KANK1: variants seen among roughly 807,000 people sequenced by gnomAD.
KANK1 encodes KN motif and ankyrin repeat domains 1.
KANK1 carries 109 observed loss-of-function variants against 106.2 expected under a neutral mutation model. That is an observed-to-expected ratio of 1.03 (90% confidence interval 0.88 to 1.20). The LOEUF (loss-of-function observed/expected upper bound fraction) is 1.20. Among genes scored for constraint, KANK1 ranks in the 50% most tolerant of loss-of-function variants. The pLI is 0.00. For synonymous variants in KANK1, 873 were observed against 652.2 expected, an observed-to-expected ratio of 1.34 and a Z score of -5.16; for missense variants, 2,399 against 1,710.7, an observed-to-expected ratio of 1.40 and a Z score of -7.10.
intron 3 of KANK1, among the ~76,000 whole-genome samples, chr9:482,102 C>T (rs1050124497): frequency 1.3e-5 from 2 of 152,192 alleles, no homozygotes; most frequent in African/African-American, 2.4e-5. Context: ...ACAGTTCCCA[C>T]AGCTGGGCCC....
intron 2 of KANK1, among the ~76,000 whole-genome samples, chr9:687,460 G>A (rs902225686): frequency 3.3e-5 from 5 of 151,960 alleles, no homozygotes; most frequent in Non-Finnish European, 4.4e-5. Flanking sequence ...GTCTATTTCC[G>A]TTTCTTCAGT....
chr9:655,264 G>A (rs563541784), intron 1 of KANK1, among the ~76,000 whole-genome samples: 11 of 151,954 alleles, frequency 7.2e-5, no homozygotes, highest in African/African-American at 2.4e-4. Flanking sequence ...CCAGCTACTC[G>A]GGAGGCTGAG....
At chr9:567,925 T>A (rs1012142812) in intron 1 of KANK1, among the ~76,000 whole-genome samples, 1 of 152,140 alleles carries the variant, frequency 6.6e-6, no homozygotes, top group East Asian at 1.9e-4. Flanking sequence ...GGCTCCAAAG[T>A]CACCAGCATG....
At chr9:540,561 A>G (rs553690364) in intron 1 of KANK1, 1 of 152,304 alleles carries the variant, frequency 6.6e-6, no homozygotes, top group South Asian at 2.1e-4. Flanking sequence ...CATCCTCTTC[A>G]GTTGTTGGAA....
At chr9:537,889 T>C (rs1409737204) in intron 1 of KANK1, among the ~76,000 whole-genome samples, 1 of 152,242 alleles carries the variant, frequency 6.6e-6, no homozygotes, top group Admixed American at 6.5e-5. Context: ...TTACTTATTT[T>C]CGTGTGTCTT....
chr9:697,076 C>CTGTG (rs3028272), intron 2 of KANK1, among the ~76,000 whole-genome samples: 235 of 151,088 alleles, frequency 1.6e-3, no homozygotes, highest in East Asian at 0.011. Flanking sequence ...TTTGTTCCAT[C>CTGTG]TGTGTGTGTG....
At chr9:679,062 G>A (rs972458091) in intron 2 of KANK1, among the ~76,000 whole-genome samples, 14 of 152,270 alleles carry the variant, frequency 9.2e-5, no homozygotes, top group Non-Finnish European at 1.9e-4. Context: ...TAAGCAAGCT[G>A]TAACTTTTCC....
chr9:480,733 C>T (rs547998651), intron 3 of KANK1, among the ~76,000 whole-genome samples: 112 of 152,148 alleles, frequency 7.4e-4, no homozygotes, highest in Middle Eastern at 6.8e-3. Context: ...GCAGGGGAGC[C>T]GTGTATTAGA....
At position 544,837 on chromosome 9, in the gene KANK1, A is replaced by G. The variant is rs560951556; in HGVS notation, c.-84+40083A>G. 2.0e-5 allele frequency among the ~76,000 whole-genome samples: 3 copies of G among 152,174 alleles called. No homozygotes were observed. The South Asian group carries it at 6.2e-4, about 32-fold the overall frequency. ...GGGTGGGGGTGGGAGGGTAGGTCAT[A>G]AAGGGCCTGGTAAACTGTTAAGAAA... On this transcript the variant is annotated intron_variant, in intron 1 of 11. Transcript: ENST00000382297.
intron 3 of KANK1, among the ~76,000 whole-genome samples, chr9:728,920 C>T (rs989663226): frequency 2.6e-5 from 4 of 152,178 alleles, no homozygotes; most frequent in African/African-American, 9.7e-5. Context: ...ACCTTACATG[C>T]ATTGATTTGT....
chr9:560,345 A>T (rs998545473), intron 1 of KANK1, among the ~76,000 whole-genome samples: 2 of 152,228 alleles, frequency 1.3e-5, no homozygotes, highest in African/African-American at 4.8e-5. Context: ...AATGTGTTGC[A>T]GGTTGATTAA....
intron 7 of KANK1, among the ~76,000 whole-genome samples, chr9:735,987 T>G (rs1833694257): frequency 6.6e-6 from 1 of 151,986 alleles, no homozygotes; most frequent in South Asian, 2.1e-4. Flanking sequence ...AGAGTGAGAC[T>G]CCATCTGAAA....
intron 3 of KANK1, among the ~76,000 whole-genome samples, chr9:488,538 C>T (rs2058330164): frequency 6.6e-6 from 1 of 152,202 alleles, no homozygotes; most frequent in Non-Finnish European, 1.5e-5. Flanking sequence ...TGAACTCGAA[C>T]ACATCAACTA....
At chr9:744,442 G>A (rs1836643044) in intron 10 of KANK1, 49 bp from the exon 11 acceptor site, 1 of 1,582,130 alleles carries the variant, frequency 6.3e-7, no homozygotes, top group Non-Finnish European at 8.6e-7. Flanking sequence ...TCGGTTGTCT[G>A]GAGGTTTGAG....
At chr9:575,508 G>GAAAAAA (rs36033779) in intron 1 of KANK1, among the ~76,000 whole-genome samples, 2 of 128,326 alleles carry the variant, frequency 1.6e-5, no homozygotes, top group Non-Finnish European at 3.3e-5. Context: ...TCTCTACAGG[G>GAAAAAA]AAAAAAAAAA....
At chr9:612,397 T>G (rs1830774918) in intron 1 of KANK1, among the ~76,000 whole-genome samples, 1 of 152,218 alleles carries the variant, frequency 6.6e-6, no homozygotes, top group Non-Finnish European at 1.5e-5. Flanking sequence ...TTCAACAGTA[T>G]GTAGGCCCGG....
intron 5 of KANK1, 124 bp downstream of exon 5, chr9:731,390 C>T (rs559697255): frequency 1.8e-6 from 1 of 556,324 alleles, no homozygotes; most frequent in Admixed American, 3.4e-5. Flanking sequence ...ATTCCCTCCT[C>T]AGAAAGGCAG....
At chr9:635,313 C>T (rs1171171885) in intron 1 of KANK1, among the ~76,000 whole-genome samples, 1 of 152,152 alleles carries the variant, frequency 6.6e-6, no homozygotes, top group African/African-American at 2.4e-5. Flanking sequence ...TGGAACTTTC[C>T]TTGCGCACTC....
chr9:691,296 A>G (rs1357569307), intron 2 of KANK1, among the ~76,000 whole-genome samples: 1 of 110,132 alleles, frequency 9.1e-6, no homozygotes, highest in Non-Finnish European at 2.0e-5. Flanking sequence ...TTATGAATGT[A>G]GCAGATTTTT....
Sources: gnomAD v4.1 joint callset for allele counts (sites outside exome capture counted in the v4.1 genomes callset) on GRCh38, gnomAD v4.1.1 for gene constraint, MANE v1.5 for transcripts, NCBI Gene and HGNC (gene_info 2026-07-23, HGNC 2026-07-21) for gene names.